WDR7: variants seen among roughly 807,000 people sequenced by gnomAD.
WDR7 encodes the protein WD repeat domain 7, also known as WD repeat-containing protein 7.
WDR7 carries 46 observed loss-of-function variants against 169.4 expected under a neutral mutation model. The ratio of observed to expected loss-of-function variants is 0.27; its 90% confidence interval spans 0.21 to 0.35. The LOEUF (loss-of-function observed/expected upper bound fraction) is 0.35, where lower values mean the gene tolerates loss of function less well. Among genes scored for constraint, WDR7 ranks in the 10% least tolerant of loss-of-function variants. WDR7 has a pLI of 1.00. For synonymous variants in WDR7, 612 were observed against 666.8 expected, an observed-to-expected ratio of 0.92 and a Z score of 1.27; for missense variants, 1,534 against 1,859.3, an observed-to-expected ratio of 0.83 and a Z score of 3.22.
chr18:56,668,732 G>A (rs1052334217), intron 1 of WDR7, among the ~76,000 whole-genome samples: 1 of 152,080 alleles, frequency 6.6e-6, no homozygotes, highest in Admixed American at 6.5e-5. Context: ...TTGCACAATT[G>A]CACAATTTGA....
At chr18:56,706,770 C>T (rs914838547) in intron 12 of WDR7, among the ~76,000 whole-genome samples, 4 of 151,752 alleles carry the variant, frequency 2.6e-5, no homozygotes, top group African/African-American at 9.7e-5. Context: ...TCACTGCAAC[C>T]TCTGCCTCCC....
In WDR7 at chr18:56,704,559, A is replaced by G. The variant is rs954008046; in HGVS notation, c.1578+8097A>G. ...GTCATGCTATGAATATTATGTATACATTCAAATATTAGGTTGTGCAAGTAA... is the reference window on the plus strand; with the variant it reads ...GTCATGCTATGAATATTATGTATACGTTCAAATATTAGGTTGTGCAAGTAA... On this transcript the variant is annotated intron_variant, in intron 12 of 27. Coordinates refer to ENST00000254442, the MANE Select transcript of WDR7 (RefSeq NM_015285.3). Among the ~76,000 whole-genome samples, 16 of 152,294 alleles carry G rather than the reference A, an allele frequency of 1.1e-4. No homozygotes were observed. The East Asian group carries it at 2.7e-3, about 26-fold the overall frequency.
At chr18:56,866,285 C>T (rs550900834) in intron 20 of WDR7, among the ~76,000 whole-genome samples, 23 of 152,060 alleles carry the variant, frequency 1.5e-4, no homozygotes, top group African/African-American at 4.1e-4. Flanking sequence ...CTAAGAGATG[C>T]TTTACACACT....
chr18:56,916,675 T>C (rs1163384280), intron 21 of WDR7, among the ~76,000 whole-genome samples: 4 of 152,238 alleles, frequency 2.6e-5, no homozygotes, highest in Non-Finnish European at 5.9e-5. Flanking sequence ...CAGTTGCATC[T>C]GTGGTTATAA....
intron 26 of WDR7, among the ~76,000 whole-genome samples, chr18:56,970,046 T>C (rs1237887602): frequency 6.6e-6 from 1 of 152,134 alleles, no homozygotes; most frequent in Non-Finnish European, 1.5e-5. Context: ...ATAATAACAC[T>C]TCTAGCATTG....
rs535991734 is a variant in WDR7, at chr18:56,848,495, A to G, written c.3305-31449A>G. ...TGGGAAGGCATGACTGTATTTTGCA[A>G]TGTGAGAAGGACATAAGATTAGGGG... On this transcript the variant is annotated intron_variant, in intron 20 of 27. Transcript: ENST00000254442. 2.0e-5 allele frequency among the ~76,000 whole-genome samples: 3 copies of G among 152,274 alleles called. No individual in the cohort carries two copies. The South Asian group carries it at 6.2e-4, about 32-fold the overall frequency.
intron 21 of WDR7, among the ~76,000 whole-genome samples, chr18:56,888,888 G>A (rs1226280244): frequency 6.6e-6 from 1 of 152,200 alleles, no homozygotes; most frequent in African/African-American, 2.4e-5. Flanking sequence ...GGATTAGGCA[G>A]AGGGGGAAGT....
intron 20 of WDR7, among the ~76,000 whole-genome samples, chr18:56,846,539 G>T (rs2045571055): frequency 6.6e-6 from 1 of 152,082 alleles, no homozygotes; most frequent in South Asian, 2.1e-4. Context: ...CAGCCATGTG[G>T]AACTATAAGT....
intron 14 of WDR7, among the ~76,000 whole-genome samples, chr18:56,746,150 T>C (rs2043699348): frequency 6.6e-6 from 1 of 152,230 alleles, no homozygotes; most frequent in Non-Finnish European, 1.5e-5. Flanking sequence ...ATAGGAAGTA[T>C]AACTGGTACA....
At chr18:56,764,416 A>G (rs933784670) in intron 16 of WDR7, among the ~76,000 whole-genome samples, 19 of 152,082 alleles carry the variant, frequency 1.2e-4, no homozygotes, top group Non-Finnish European at 2.8e-4. Flanking sequence ...GTGTTTATAT[A>G]TGGGCCAATA....
chr18:56,926,923 T>G (rs1371503584), intron 22 of WDR7, among the ~76,000 whole-genome samples: 3 of 151,632 alleles, frequency 2.0e-5, no homozygotes, highest in African/African-American at 4.8e-5. Flanking sequence ...GTGTGGATCT[T>G]ACCCTTGTGC....
At chr18:56,731,091 A>G (rs1045174808) in intron 13 of WDR7, among the ~76,000 whole-genome samples, 4 of 152,154 alleles carry the variant, frequency 2.6e-5, no homozygotes, top group Non-Finnish European at 2.9e-5. Flanking sequence ...AGTCAAGAAA[A>G]CCATCTGGGA....
intron 12 of WDR7, among the ~76,000 whole-genome samples, chr18:56,700,871 C>T (rs939120828): frequency 6.6e-6 from 1 of 152,092 alleles, no homozygotes; most frequent in African/African-American, 2.4e-5. Context: ...CTTAAAAAAG[C>T]AAAAGTTCAT....
intron 14 of WDR7, among the ~76,000 whole-genome samples, chr18:56,736,116 T>C (rs76954820): frequency 0.039 from 6,011 of 152,180 alleles, 368 homozygotes; most frequent in African/African-American, 0.13. Context: ...ACTCCAGTGG[T>C]GTCCTGTCAT....
intron 21 of WDR7, among the ~76,000 whole-genome samples, chr18:56,899,270 A>G: frequency 6.6e-6 from 1 of 152,014 alleles, no homozygotes; most frequent in East Asian, 1.9e-4. Flanking sequence ...AATAGAGAGT[A>G]TATTTTTCAC....
intron 25 of WDR7, among the ~76,000 whole-genome samples, chr18:56,959,381 C>T (rs1352268492): frequency 6.6e-6 from 1 of 152,156 alleles, no homozygotes; most frequent in Non-Finnish European, 1.5e-5. Context: ...TGGATGATGA[C>T]CACCTCAGCT....
At chr18:56,909,947 A>G (rs1025610941) in intron 21 of WDR7, among the ~76,000 whole-genome samples, 14 of 152,276 alleles carry the variant, frequency 9.2e-5, no homozygotes, top group Admixed American at 9.2e-4. Context: ...GAAATTGCTC[A>G]GCCTGAAAAA....
At chr18:56,781,444 C>T in intron 18 of WDR7, 89 bp from the exon 19 acceptor site, 1 of 1,321,270 alleles carries the variant, frequency 7.6e-7, no homozygotes, top group South Asian at 2.3e-5. Flanking sequence ...GTTTTCTAGC[C>T]TTATTTCATT....
intron 19 of WDR7, among the ~76,000 whole-genome samples, chr18:56,797,905 G>A (rs1474450732): frequency 6.6e-6 from 1 of 151,982 alleles, no homozygotes; most frequent in Non-Finnish European, 1.5e-5. Flanking sequence ...TCTTCCCTTG[G>A]GCGTTTATAG....
Sources: allele counts gnomAD v4.1 joint callset (sites outside exome capture counted in the v4.1 genomes callset), GRCh38; gene constraint gnomAD v4.1.1; transcripts MANE v1.5; gene names NCBI Gene and HGNC (gene_info 2026-07-23, HGNC 2026-07-21).